The following ARHGAP17 variants were observed in gnomAD, a reference collection of about 807,000 sequenced individuals.
ARHGAP17 encodes Rho GTPase activating protein 17.
ARHGAP17 carries 57 observed loss-of-function variants against 99.5 expected under a neutral mutation model. The ratio of observed to expected loss-of-function variants is 0.57; its 90% CI spans 0.46 to 0.71. The LOEUF is 0.71. Among genes scored for constraint, ARHGAP17 ranks in the 30% least tolerant of loss-of-function variants. The pLI, the probability that ARHGAP17 is intolerant of heterozygous loss-of-function variation, is 0.00. For missense variants in ARHGAP17, 1,000 were observed against 1,122.4 expected, an observed-to-expected ratio of 0.89 and a Z score of 1.56; for synonymous variants, 417 against 429.6, an observed-to-expected ratio of 0.97 and a Z score of 0.36.
At chr16:24,971,152 G>GA (rs1267286321) in intron 3 of ARHGAP17, among the ~76,000 whole-genome samples, 1 of 151,920 alleles carries the variant, frequency 6.6e-6, no homozygotes, top group Non-Finnish European at 1.5e-5. Flanking sequence ...TTACAGGCAT[G>GA]AACCATCACG....
chr16:24,944,596 T>C (rs912673811), intron 14 of ARHGAP17, among the ~76,000 whole-genome samples: 1 of 152,070 alleles, frequency 6.6e-6, no homozygotes, highest in Non-Finnish European at 1.5e-5. Context: ...ATTGTTACAG[T>C]GTGCCTTTTA....
chr16:24,998,245 G>A (rs374574061), intron 1 of ARHGAP17, among the ~76,000 whole-genome samples: 7 of 151,954 alleles, frequency 4.6e-5, no homozygotes, highest in African/African-American at 1.5e-4. Context: ...AGAGGAAGAC[G>A]CAAAGCCCCA....
intron 19 of ARHGAP17, 42 bp from the exon 20 acceptor site, chr16:24,920,302 AC>A (rs1238889733): frequency 6.2e-7 from 1 of 1,609,914 alleles, no homozygotes; most frequent in Admixed American, 1.7e-5. Flanking sequence ...ATGAGGGGTA[AC>A]CCCCGAGAGG....
chr16:24,999,439 T>C (rs2053297711), intron 1 of ARHGAP17, among the ~76,000 whole-genome samples: 1 of 151,034 alleles, frequency 6.6e-6, no homozygotes, highest in Non-Finnish European at 1.5e-5. Flanking sequence ...TTTTTAGAGA[T>C]GGGGTTTCAC....
chr16:25,010,850 TGGCCTC>T (rs1253632548), intron 1 of ARHGAP17, among the ~76,000 whole-genome samples: 1 of 152,258 alleles, frequency 6.6e-6, no homozygotes. Flanking sequence ...TTCATTTTAC[TGGCCTC>T]GCCCTCTAGG....
intron 16 of ARHGAP17, 41 bp downstream of exon 16, chr16:24,941,946 C>T (rs767023079): frequency 6.2e-7 from 1 of 1,613,284 alleles, no homozygotes; most frequent in East Asian, 2.2e-5. Flanking sequence ...GGTCTAACAA[C>T]ATATTTACTG....
rs919763191 is a variant in ARHGAP17, at chr16:24,989,308, G to T, written c.54-10303C>A. On this transcript the variant is annotated intron_variant, in intron 1 of 19. Transcript: ENST00000289968. Reference sequence around the variant, plus strand: ...AAGCTCATCCCCATAAAAACAGGTTGTAAATGTTAAGTTCTCAGTCCAACT... The same window carrying T: ...AAGCTCATCCCCATAAAAACAGGTTTTAAATGTTAAGTTCTCAGTCCAACT... Among the ~76,000 whole-genome samples the T allele has an allele frequency of 3.9e-5, 6 of 152,282 alleles. No homozygotes were observed. The East Asian group carries it at 1.2e-3, about 29-fold the overall frequency.
chr16:24,922,938 A>G (rs1020001034), intron 19 of ARHGAP17, among the ~76,000 whole-genome samples: 1 of 152,102 alleles, frequency 6.6e-6, no homozygotes, highest in Non-Finnish European at 1.5e-5. Context: ...CGGCTCCCCA[A>G]AGTGCTGGGA....
Position 24,952,967 on chromosome 16 carries a change from G to C in ARHGAP17, c.928C>G (p.Leu310Val), listed in dbSNP as rs780800430. 1 of 1,614,176 alleles carries C rather than the reference G, an allele frequency of 6.2e-7. No homozygotes were observed. The highest frequency in any genetic ancestry group is 8.5e-7 in the Non-Finnish European group (1 of 1,180,014). ...KAALDCSTSH[L>V]DEFYSDPHAV... ...TGGGGGTCTGAATAGAACTCATCCA[G>C]GTGAGAAGTAGAACAGTCCAAAGCA... The change falls in exon 11 of 20, where the codon CTG becomes GTG. Residue 310 changes from leucine (L) to valine (V), a missense_variant. This residue lies in a region of ARHGAP17 where 472 missense variants were observed against 611.1 expected (regional missense o/e 0.77). Coordinates refer to ENST00000289968, the MANE Select transcript of ARHGAP17 (RefSeq NM_001006634.3).
chr16:24,931,338 T>C lies in ARHGAP17; in HGVS notation c.1961A>G (p.Gln654Arg). 6.6e-7 allele frequency: 1 copy of C among 1,510,170 alleles called. No homozygotes were observed. The highest frequency in any genetic ancestry group is 8.8e-7 in the Non-Finnish European group (1 of 1,131,442). 93.5% of individuals were successfully genotyped at this position (1,510,170 alleles called of 1,614,324 possible). A position where few individuals can be genotyped will look rare whatever the true frequency, so the allele number is the denominator to read the frequency against. The part of the protein sequence containing the change: ...GNPPPGHPGG[Q>R]SSSGTSQHPP... ...ATGCTGAGATGTTCCTGAAGAACTC[T>C]GGCCCCCGGGGTGGCCAGGAGGTGG... is the stretch of plus-strand genomic sequence containing the variant. The change falls in exon 19 of 20, where the codon CAG becomes CGG. Residue 654 changes from glutamine to arginine, a missense_variant. Around this residue, in one of 2 missense-constraint regions of ARHGAP17, gnomAD observed 528 missense variants for 511.4 expected, o/e 1.03. Coordinates refer to ENST00000289968, the MANE Select transcript of ARHGAP17 (RefSeq NM_001006634.3).
intron 2 of ARHGAP17, among the ~76,000 whole-genome samples, chr16:24,978,262 G>T (rs960557803): frequency 2.0e-5 from 3 of 152,210 alleles, no homozygotes; most frequent in African/African-American, 7.2e-5. Context: ...ACAGAAGCCT[G>T]GATCTGTTTT....
At chr16:24,976,232 GA>G (rs58192225) in intron 3 of ARHGAP17, among the ~76,000 whole-genome samples, 1 of 152,178 alleles carries the variant, frequency 6.6e-6, no homozygotes, top group African/African-American at 2.4e-5. Context: ...ACTCCATCAA[GA>G]AAAACTACTG....
chr16:25,010,215 G>C (rs942443550), intron 1 of ARHGAP17, among the ~76,000 whole-genome samples: 2 of 151,924 alleles, frequency 1.3e-5, no homozygotes, highest in African/African-American at 4.8e-5. Flanking sequence ...AGCTGAGACA[G>C]GCAAACACCA....
At chr16:24,950,003 G>A (rs2051587056) in intron 12 of ARHGAP17, among the ~76,000 whole-genome samples, 1 of 152,146 alleles carries the variant, frequency 6.6e-6, no homozygotes, top group Non-Finnish European at 1.5e-5. Flanking sequence ...CTCCACAGGC[G>A]CAACGTACAA....
At chr16:24,978,866 TAAAAAA>T in intron 2 of ARHGAP17, 94 bp downstream of exon 2, 105 of 586,104 alleles carry the variant, frequency 1.8e-4, no homozygotes, top group Non-Finnish European at 2.1e-4. Context: ...TGTTTCTGGT[TAAAAAA>T]AAAAAAAAAA....
intron 1 of ARHGAP17, among the ~76,000 whole-genome samples, chr16:24,990,480 T>C (rs1186395516): frequency 2.0e-5 from 3 of 149,182 alleles, no homozygotes; most frequent in Non-Finnish European, 1.5e-5. Flanking sequence ...AGCAAGATCT[T>C]GTCTCAAAAA....
intron 16 of ARHGAP17, chr16:24,941,609 G>A: frequency 5.2e-6 from 1 of 190,608 alleles, no homozygotes; most frequent in Non-Finnish European, 1.1e-5. Context: ...TGTGCCAGGT[G>A]GGTGTTCTCA....
chr16:24,946,866 A>G (rs928202703), intron 14 of ARHGAP17, among the ~76,000 whole-genome samples: 1 of 152,198 alleles, frequency 6.6e-6, no homozygotes, highest in Non-Finnish European at 1.5e-5. Context: ...ATATATAAGC[A>G]TTCAGTTCCA....
In ARHGAP17 at chr16:24,949,439, A is replaced by C; in HGVS notation, c.1092T>G (p.Cys364Trp). The change falls in exon 13 of 20, where the codon TGT becomes TGG. Residue 364 changes from cysteine to tryptophan, a missense_variant. Transcript: ENST00000289968. ...CAAAATTTTGTGGTGGCAACTTCTG[A>C]CATGTTCTCCACAAGTCTTGAAGTT... ...DKKLQDLWRT[C>W]QKLPPQNFVN... 1 of 1,613,972 alleles carries C rather than the reference A, an allele frequency of 6.2e-7. No homozygotes were observed. Among genetic ancestry groups the C allele is most frequent in the Non-Finnish European group, 8.5e-7 (1 of 1,179,988 alleles).
Sources: gnomAD v4.1 joint callset for allele counts (sites outside exome capture counted in the v4.1 genomes callset) on GRCh38, gnomAD v4.1.1 for gene constraint, gnomAD v4.1.1 regional missense constraint, MANE v1.5 for transcripts, NCBI Gene and HGNC (gene_info 2026-07-23, HGNC 2026-07-21) for gene names.